Variants in MEMO1 observed in about 807,000 individuals in gnomAD.
The protein encoded by MEMO1 is protein MEMO1.
A neutral mutation model predicts 45.2 loss-of-function variants in MEMO1; 6 were observed. The observed-to-expected ratio is 0.13, with a 90% CI of 0.07 to 0.26. The LOEUF (loss-of-function observed/expected upper bound fraction) is 0.26, where lower values mean the gene tolerates loss of function less well. Ranked by LOEUF, MEMO1 falls within the 10% of genes least tolerant of loss-of-function variation. The pLI is 1.00. For synonymous variants in MEMO1, 78 were observed against 124.3 expected (o/e 0.63, Z 2.48); for missense variants, 184 against 370.5 (o/e 0.50, Z 4.13).
chr2:31,914,961 T>TTA (rs1491509515), intron 6 of MEMO1, among the ~76,000 whole-genome samples: 1 of 120,220 alleles, frequency 8.3e-6, no homozygotes, highest in African/African-American at 3.2e-5. Context: ...TGTCTCTTTT[T>TTA]AAAAAAAAAA....
At chr2:31,878,917 G>C (rs1167821095) in intron 8 of MEMO1, among the ~76,000 whole-genome samples, 1 of 152,068 alleles carries the variant, frequency 6.6e-6, no homozygotes, top group Non-Finnish European at 1.5e-5. Flanking sequence ...CACAAGAAAG[G>C]TTAAACCGAG....
At chr2:31,923,069 G>A (rs1344631688) in intron 4 of MEMO1, among the ~76,000 whole-genome samples, 1 of 152,000 alleles carries the variant, frequency 6.6e-6, no homozygotes, top group South Asian at 2.1e-4. Flanking sequence ...CACAATGATT[G>A]AATCAATTTA....
intron 2 of MEMO1, among the ~76,000 whole-genome samples, chr2:31,969,194 A>C (rs1339381611): frequency 4.0e-5 from 6 of 151,726 alleles, no homozygotes; most frequent in African/African-American, 1.5e-4. Flanking sequence ...CAGGATTCCT[A>C]ATCTCCAATA....
intron 5 of MEMO1, among the ~76,000 whole-genome samples, chr2:31,920,225 T>C (rs1213340001): frequency 6.6e-6 from 1 of 152,056 alleles, no homozygotes; most frequent in African/African-American, 2.4e-5. Context: ...ATACATCTAT[T>C]GTGTAAGAAC....
intron 2 of MEMO1, among the ~76,000 whole-genome samples, chr2:31,959,668 T>A (rs928334627): frequency 6.6e-6 from 1 of 151,960 alleles, no homozygotes; most frequent in Admixed American, 6.6e-5. Flanking sequence ...CAAAAAAAAA[T>A]GAAGGTAGTT....
At chr2:31,991,113 G>C (rs1022748122) in intron 2 of MEMO1, among the ~76,000 whole-genome samples, 6 of 152,088 alleles carry the variant, frequency 3.9e-5, no homozygotes, top group African/African-American at 9.7e-5. Context: ...TGCTGAAAAA[G>C]AGAAAATGAT....
At chr2:31,997,547 A>G (rs989955300) in intron 2 of MEMO1, among the ~76,000 whole-genome samples, 2 of 152,198 alleles carry the variant, frequency 1.3e-5, no homozygotes, top group African/African-American at 2.4e-5. Context: ...AAATCAGGCA[A>G]TCAATACAAA....
intron 6 of MEMO1, among the ~76,000 whole-genome samples, chr2:31,912,523 A>C (rs1680732977): frequency 6.6e-6 from 1 of 151,392 alleles, no homozygotes; most frequent in Non-Finnish European, 1.5e-5. Flanking sequence ...CAAAAAAAAA[A>C]AAAAAAAAAG....
At chr2:32,006,163 C>T (rs1213637673) in intron 2 of MEMO1, among the ~76,000 whole-genome samples, 5 of 152,076 alleles carry the variant, frequency 3.3e-5, no homozygotes, top group Admixed American at 2.0e-4. Flanking sequence ...GGGACTTAGA[C>T]CTTAACCAAG....
Position 31,917,942 on chromosome 2 carries a change from C to T in MEMO1, c.421G>A (p.Ala141Thr). The T allele has an allele frequency of 6.2e-7, 1 of 1,604,610 alleles. No individual in the cohort carries two copies. The highest frequency in any genetic ancestry group is 2.2e-5 in the East Asian group (1 of 44,626). ...TCAATATACCTTTCCATGGCTTTAGCTGTATAAGGCAAATGCATTTCAATA... is the reference window on the plus strand; with the variant it reads ...TCAATATACCTTTCCATGGCTTTAGTTGTATAAGGCAAATGCATTTCAATA... ...HSIEMHLPYT[A>T]KAMESHKDEF... is the part of the protein sequence containing the mutation. The change falls in exon 6 of 10, where the codon GCT (alanine) becomes ACT (threonine). Residue 141 changes from alanine to threonine, a missense_variant. Transcript: ENST00000404530.
At chr2:31,935,629 A>G (rs1040955670) in intron 3 of MEMO1, among the ~76,000 whole-genome samples, 3 of 152,208 alleles carry the variant, frequency 2.0e-5, no homozygotes, top group African/African-American at 7.2e-5. Flanking sequence ...GAGGAAGAAG[A>G]TAATAATCAA....
chr2:31,884,315 A>T (rs1174878408), intron 7 of MEMO1, among the ~76,000 whole-genome samples: 2 of 152,200 alleles, frequency 1.3e-5, no homozygotes, highest in African/African-American at 4.8e-5. Flanking sequence ...GATACACCTA[A>T]ATCTTTTAGC....
At chr2:31,868,643 T>C (rs1274814415) in intron 9 of MEMO1, 151 bp from the exon 10 acceptor site, 2 of 679,500 alleles carry the variant, frequency 2.9e-6, no homozygotes, top group African/African-American at 1.9e-5. Flanking sequence ...TTGCATCATA[T>C]TAAAATAGAA....
chr2:31,943,440 A>G (rs1665846022), intron 2 of MEMO1, 57 bp from the exon 3 acceptor site: 3 of 1,248,086 alleles, frequency 2.4e-6, no homozygotes, highest in East Asian at 2.3e-5. Flanking sequence ...ACAGATAAAC[A>G]TATGTGGCAT....
intron 2 of MEMO1, among the ~76,000 whole-genome samples, chr2:31,952,018 C>T (rs1666897374): frequency 6.6e-6 from 1 of 152,124 alleles, no homozygotes. Context: ...GCTCCTCACA[C>T]AGAAAATAGC....
intron 2 of MEMO1, among the ~76,000 whole-genome samples, chr2:31,951,646 C>A (rs1273338283): frequency 6.6e-6 from 1 of 152,092 alleles, no homozygotes; most frequent in Non-Finnish European, 1.5e-5. Context: ...TATTCTCCTG[C>A]CTCAGCCTCC....
At chr2:31,993,103 T>C (rs1285623199) in intron 2 of MEMO1, among the ~76,000 whole-genome samples, 1 of 151,936 alleles carries the variant, frequency 6.6e-6, no homozygotes, top group Non-Finnish European at 1.5e-5. Flanking sequence ...AGCCAAGGAA[T>C]TTGAGACTGC....
At chr2:31,887,213 A>G (rs868248599) in intron 7 of MEMO1, among the ~76,000 whole-genome samples, 4 of 152,186 alleles carry the variant, frequency 2.6e-5, no homozygotes, top group Non-Finnish European at 4.4e-5. Context: ...ACAATCAACT[A>G]ATGAGGACAA....
chr2:31,877,646 C>CT (rs1674745335), intron 8 of MEMO1, among the ~76,000 whole-genome samples: 1 of 152,168 alleles, frequency 6.6e-6, no homozygotes, highest in African/African-American at 2.4e-5. Flanking sequence ...AATCAAGTCA[C>CT]TAGCAATGGC....
Sources: gnomAD v4.1 joint callset for allele counts (sites outside exome capture counted in the v4.1 genomes callset) on GRCh38, gnomAD v4.1.1 for gene constraint, MANE v1.5 for transcripts, NCBI Gene and HGNC (gene_info 2026-07-23, HGNC 2026-07-21) for gene names.